The following PARP1 variants were observed in gnomAD, a reference collection of about 807,000 sequenced individuals.
PARP1 encodes poly [ADP-ribose] polymerase 1.
Under a neutral mutation model 118.7 loss-of-function variants are expected in PARP1, and 44 were observed. That is an observed-to-expected ratio of 0.37 (90% CI 0.29 to 0.48). The LOEUF is 0.48. Ranked by LOEUF, PARP1 falls within the 20% of genes least tolerant of loss-of-function variation. The probability of loss-of-function intolerance (pLI) is 0.99; values close to 1 mark genes in which losing one functional copy is unlikely to be tolerated. For synonymous variants in PARP1, 492 were observed against 483.2 expected (o/e 1.02, Z -0.24); for missense variants, 1,100 against 1,272.4 (o/e 0.86, Z 2.06).
intron 13 of PARP1, among the ~76,000 whole-genome samples, chr1:226,375,480 C>A (rs565818328): frequency 8.5e-5 from 13 of 152,260 alleles, no homozygotes; most frequent in Non-Finnish European, 1.6e-4. Flanking sequence ...ACGCACAGGA[C>A]GGGATTCAAT....
chr1:226,380,192 A>G (rs1274745454), intron 9 of PARP1, 28 bp from the exon 10 acceptor site: 2 of 1,611,380 alleles, frequency 1.2e-6, no homozygotes, highest in Admixed American at 1.7e-5. Flanking sequence ...AAAAAAAACC[A>G]AAATACAAGT....
chr1:226,391,089 C>A (rs1253881567), intron 3 of PARP1, among the ~76,000 whole-genome samples: 1 of 150,732 alleles, frequency 6.6e-6, no homozygotes, highest in Non-Finnish European at 1.5e-5. Flanking sequence ...GCAACTTCTG[C>A]CTCCCAGGCT....
Position 226,364,008 on chromosome 1 carries a change from G to A in PARP1, c.2721C>T (p.Tyr907=), listed in dbSNP as rs1664204008. 2 of 1,613,642 alleles carry A rather than the reference G, an allele frequency of 1.2e-6. No homozygotes were observed. Among genetic ancestry groups the A allele is most frequent in the South Asian group, 1.1e-5 (1 of 91,082 alleles). ...TTGGGTCTCCCTGAGACGTATGGCA[G>A]TAGTTGGCACTCTTGGAGACCATGT... The part of the protein sequence containing the change: ...FADMVSKSAN[Y]CHTSQGDPIG... Residue 907 remains tyrosine (Y), a synonymous_variant, in exon 20 of 23, where the codon TAC becomes TAT. Transcript: ENST00000366794.
intron 2 of PARP1, among the ~76,000 whole-genome samples, chr1:226,397,938 G>C (rs1473390221): frequency 1.3e-5 from 2 of 150,034 alleles, no homozygotes; most frequent in Admixed American, 1.3e-4. Flanking sequence ...AAACGGAGCT[G>C]TAACAACTGG....
At chr1:226,402,431 A>G (rs896607988) in intron 1 of PARP1, 52 bp from the exon 2 acceptor site, 1 of 1,546,150 alleles carries the variant, frequency 6.5e-7, no homozygotes, top group South Asian at 1.2e-5. Flanking sequence ...CTTTTGACTT[A>G]GACCCACTAG....
chr1:226,365,784 A>C (rs118165556), intron 18 of PARP1, among the ~76,000 whole-genome samples, 170 bp downstream of exon 18: 117,374 of 146,510 alleles, frequency 0.8, 47,265 homozygotes, highest in Middle Eastern at 0.86. Context: ...AAAACAAAAA[A>C]CAAACAAACA....
At chr1:226,407,555 C>T (rs139528102) in intron 1 of PARP1, among the ~76,000 whole-genome samples, 1 of 152,086 alleles carries the variant, frequency 6.6e-6, no homozygotes, top group Non-Finnish European at 1.5e-5. Flanking sequence ...AGAGGCTCCT[C>T]GTTTTCACAA....
chr1:226,377,920 A>AATAT (rs3835703), intron 12 of PARP1, among the ~76,000 whole-genome samples: 1 of 152,016 alleles, frequency 6.6e-6, no homozygotes, highest in African/African-American at 2.4e-5. Flanking sequence ...TTTCATAATA[A>AATAT]ATATATATAT....
intron 4 of PARP1, among the ~76,000 whole-genome samples, chr1:226,389,227 G>C (rs985210314): frequency 1.3e-5 from 2 of 152,170 alleles, no homozygotes; most frequent in Non-Finnish European, 2.9e-5. Context: ...CAGAGCAAGG[G>C]AAAGAGGCTG....
chr1:226,387,843 TC>T (rs1427547661), intron 5 of PARP1, among the ~76,000 whole-genome samples: 1 of 152,238 alleles, frequency 6.6e-6, no homozygotes, highest in East Asian at 1.9e-4. Flanking sequence ...ACCACAGTTC[TC>T]CTGCAGCCAG....
At chr1:226,384,979 T>C (rs1227384659) in intron 7 of PARP1, among the ~76,000 whole-genome samples, 1 of 152,126 alleles carries the variant, frequency 6.6e-6, no homozygotes, top group Non-Finnish European at 1.5e-5. Context: ...ACAAAGATAC[T>C]GCTAGAACCC....
At chr1:226,382,144 T>C (rs2102736807) in intron 8 of PARP1, among the ~76,000 whole-genome samples, 1 of 152,308 alleles carries the variant, frequency 6.6e-6, no homozygotes, top group African/African-American at 2.4e-5. Flanking sequence ...CAGGTTTATG[T>C]TCAAGGAAGG....
In PARP1 at chr1:226,368,205, A is replaced by G; in HGVS notation, c.2271T>C (p.Ser757=). 1.9e-6 allele frequency: 3 copies of G among 1,614,198 alleles called. No homozygotes were observed. The highest frequency in any genetic ancestry group is 2.5e-6 in the Non-Finnish European group (3 of 1,180,028). The change falls in exon 16 of 23, where the codon AGT becomes AGC. Residue 757 remains serine, a synonymous_variant. Transcript: ENST00000366794. The stretch of plus-strand genomic sequence containing the variant: ...TTCTGAACCCTTGCGCTACCTGCAC[A>G]CTGTCTGCATTGTTCAGGAGCGGAG... ...KKPPLLNNAD[S]VQAKVEMLDN... is the part of the protein sequence containing the mutation.
intron 9 of PARP1, 129 bp from the exon 10 acceptor site, chr1:226,380,293 G>A: frequency 1.1e-6 from 1 of 911,134 alleles, no homozygotes; most frequent in Non-Finnish European, 1.7e-6. Context: ...TTGCTTCCAA[G>A]TCTAATGCTC....
intron 1 of PARP1, 83 bp from the exon 2 acceptor site, chr1:226,402,462 C>CCTG: frequency 7.6e-7 from 1 of 1,322,682 alleles, no homozygotes. Flanking sequence ...TGACCTCGAC[C>CCTG]CCAGTCCCAG....
intron 14 of PARP1, among the ~76,000 whole-genome samples, chr1:226,372,163 G>C (rs770512286): frequency 1.3e-5 from 2 of 152,180 alleles, no homozygotes; most frequent in Non-Finnish European, 2.9e-5. Flanking sequence ...GGGAGAGTCA[G>C]GTTCCCCTGG....
chr1:226,394,509 G>GT (rs1664877092), intron 2 of PARP1, among the ~76,000 whole-genome samples: 1 of 152,254 alleles, frequency 6.6e-6, no homozygotes, highest in Non-Finnish European at 1.5e-5. Flanking sequence ...TCTTTGAACA[G>GT]TAACTGCACA....
intron 2 of PARP1, 81 bp from the exon 3 acceptor site, chr1:226,392,395 C>T: frequency 1.1e-6 from 1 of 928,614 alleles, no homozygotes; most frequent in Non-Finnish European, 1.8e-6. Flanking sequence ...CTTCTACCTC[C>T]CCAGGATCCT....
At position 226,361,420 on chromosome 1, in the gene PARP1, A is replaced by C; in HGVS notation, c.*40T>G. 2.1e-6 allele frequency: 3 copies of C among 1,406,194 alleles called. No homozygotes were observed. Among genetic ancestry groups the C allele is most frequent in the Non-Finnish European group, 3.0e-6 (3 of 991,922 alleles). The allele number at this position is 1,406,194 out of a possible 1,614,324, so 87.1% of individuals were successfully genotyped here. A position where few individuals can be genotyped will look rare whatever the true frequency, so the allele number is the denominator to read the frequency against. ...GTGCAGAAGCGCTTCGGGTGAATTC[A>C]TACCAGAGCCACCGGGTGTGACTCG... On this transcript the variant is annotated 3_prime_UTR_variant, in exon 23 of 23. Transcript: ENST00000366794.
Sources: allele counts gnomAD v4.1 joint callset (sites outside exome capture counted in the v4.1 genomes callset), GRCh38; gene constraint gnomAD v4.1.1; transcripts MANE v1.5; gene names NCBI Gene and HGNC (gene_info 2026-07-23, HGNC 2026-07-21).